Variants in KCNH1 observed in about 807,000 individuals in gnomAD.
KCNH1 encodes the protein potassium voltage-gated channel subfamily H member 1.
In KCNH1, 27 loss-of-function variants were observed where a neutral mutation model predicts 69.2. The ratio of observed to expected loss-of-function variants is 0.39; its 90% CI spans 0.29 to 0.54. The LOEUF (loss-of-function observed/expected upper bound fraction) is 0.54. Among genes scored for constraint, KCNH1 ranks in the 20% least tolerant of loss-of-function variants. KCNH1 has a pLI of 0.68. For synonymous variants in KCNH1, 456 were observed against 487.7 expected (o/e 0.93, Z 0.86); for missense variants, 798 against 1,261.6 (o/e 0.63, Z 5.57).
intron 10 of KCNH1, among the ~76,000 whole-genome samples, chr1:210,717,244 G>A (rs528871600): frequency 1.3e-5 from 2 of 152,270 alleles, no homozygotes; most frequent in South Asian, 4.1e-4. Context: ...CCCATTTCTG[G>A]CCTAGGGCTG....
intron 10 of KCNH1, among the ~76,000 whole-genome samples, chr1:210,700,562 A>G (rs1292732134): frequency 3.3e-5 from 5 of 152,306 alleles, no homozygotes; most frequent in South Asian, 2.1e-4. Flanking sequence ...ATCTCTCTGT[A>G]TGTATTTTAG....
At chr1:210,911,077 T>C (rs1244383261) in intron 7 of KCNH1, among the ~76,000 whole-genome samples, 1 of 152,218 alleles carries the variant, frequency 6.6e-6, no homozygotes, top group African/African-American at 2.4e-5. Flanking sequence ...ATTCATTCTA[T>C]ATTTATTGAG....
At chr1:210,986,574 T>C (rs530839433) in intron 6 of KCNH1, among the ~76,000 whole-genome samples, 16 of 152,046 alleles carry the variant, frequency 1.1e-4, no homozygotes, top group Non-Finnish European at 1.6e-4. Flanking sequence ...AAATTCTTGG[T>C]TGAAAATTCT....
intron 3 of KCNH1, among the ~76,000 whole-genome samples, chr1:211,103,064 A>C (rs137921840): frequency 1.5e-4 from 23 of 152,340 alleles, no homozygotes; most frequent in Middle Eastern, 3.4e-3. Context: ...ACTGGGGACA[A>C]ACTTTTATTT....
intron 5 of KCNH1, among the ~76,000 whole-genome samples, chr1:211,054,887 T>C (rs1296029214): frequency 6.6e-6 from 1 of 151,502 alleles, no homozygotes; most frequent in Non-Finnish European, 1.5e-5. Flanking sequence ...ATGGTGGAAA[T>C]GGAGGGGGAG....
chr1:210,865,375 T>G (rs893343041), intron 7 of KCNH1, among the ~76,000 whole-genome samples: 2 of 152,240 alleles, frequency 1.3e-5, no homozygotes, highest in Admixed American at 1.3e-4. Context: ...CAAGGTCATA[T>G]AGTTTTTAAG....
intron 7 of KCNH1, among the ~76,000 whole-genome samples, chr1:210,915,116 A>G (rs1687308893): frequency 6.6e-6 from 1 of 152,172 alleles, no homozygotes; most frequent in African/African-American, 2.4e-5. Context: ...CCCAGATAAA[A>G]GGACTCTTCC....
intron 7 of KCNH1, among the ~76,000 whole-genome samples, chr1:210,825,899 C>G (rs772463676): frequency 8.5e-5 from 13 of 152,116 alleles, no homozygotes; most frequent in Non-Finnish European, 1.6e-4. Context: ...TTTTGGAAGA[C>G]AAAAGTACAA....
At chr1:211,002,353 TACACACACAC>T (rs545388862) in intron 6 of KCNH1, among the ~76,000 whole-genome samples, 3 of 144,996 alleles carry the variant, frequency 2.1e-5, no homozygotes, top group African/African-American at 5.2e-5. Context: ...TATATATATA[TACACACACAC>T]ATATATATAT....
At chr1:210,867,315 TTATATG>T (rs972972019) in intron 7 of KCNH1, among the ~76,000 whole-genome samples, 2 of 143,700 alleles carry the variant, frequency 1.4e-5, no homozygotes, top group Non-Finnish European at 3.0e-5. Flanking sequence ...ACACATAGAA[TTATATG>T]TATATGTTTA....
chr1:211,024,400 A>G (rs528888883), intron 5 of KCNH1, among the ~76,000 whole-genome samples: 1 of 152,280 alleles, frequency 6.6e-6, no homozygotes, highest in African/African-American at 2.4e-5. Context: ...CTAGGGTGAA[A>G]TAAGTTTGAT....
chr1:210,816,000 G>T (rs1684806556), intron 7 of KCNH1, among the ~76,000 whole-genome samples: 1 of 152,126 alleles, frequency 6.6e-6, no homozygotes, highest in South Asian at 2.1e-4. Context: ...GCCAGCTTTG[G>T]AAATAAGTCA....
chr1:211,115,728 T>TATATATATATATATATATATAC lies in KCNH1; in HGVS notation c.80-8352_80-8351insGTATATATATATATATATATAT, dbSNP rs1558611409. Among the ~76,000 whole-genome samples, 2 of 88,078 alleles carry TATATATATATATATATATATAC rather than the reference T, an allele frequency of 2.3e-5. 1 individual carries two copies. The highest frequency in any genetic ancestry group is 4.1e-5 in the Non-Finnish European group (2 of 48,710). The allele number at this position is 88,078 out of a possible 152,430, so 57.8% of individuals were successfully genotyped here. On this transcript the variant is annotated intron_variant, in intron 1 of 10. Coordinates refer to ENST00000271751, the MANE Select transcript of KCNH1 (RefSeq NM_172362.3). ...ATATATATATATATGTATATATATA[T>TATATATATATATATATATATAC]ATACACACACACACACACATACACA...
intron 6 of KCNH1, among the ~76,000 whole-genome samples, chr1:210,952,438 A>G (rs770268597): frequency 6.6e-6 from 1 of 152,212 alleles, no homozygotes; most frequent in Non-Finnish European, 1.5e-5. Context: ...TCTAAGCACA[A>G]ACATCAAGCC....
Position 210,730,367 on chromosome 1 carries a change from C to G in KCNH1, c.2112+44981G>C, listed in dbSNP as rs150426445. 2.2e-4 allele frequency among the ~76,000 whole-genome samples: 34 copies of G among 152,240 alleles called. No homozygotes were observed. The East Asian group carries it at 6.2e-3, about 28-fold the overall frequency. ...TCCTGGGTGTCAAAACATGGCTTAT[C>G]TATGTCAGAAAGAGCTCTTGACAGG... On this transcript the variant is annotated intron_variant, in intron 10 of 10. Transcript: ENST00000271751.
chr1:211,113,284 C>T (rs368256216), intron 1 of KCNH1, among the ~76,000 whole-genome samples: 1 of 152,192 alleles, frequency 6.6e-6, no homozygotes, highest in East Asian at 1.9e-4. Context: ...CATTATATTA[C>T]ATGGTCTGCT....
chr1:210,768,191 T>G (rs746065824), intron 10 of KCNH1, among the ~76,000 whole-genome samples: 8 of 152,118 alleles, frequency 5.3e-5, no homozygotes, highest in Non-Finnish European at 7.3e-5. Context: ...GATTTTATTG[T>G]CATCATCCTT....
intron 7 of KCNH1, among the ~76,000 whole-genome samples, chr1:210,907,165 T>C (rs1331736849): frequency 2.0e-5 from 3 of 152,168 alleles, no homozygotes; most frequent in Non-Finnish European, 2.9e-5. Flanking sequence ...AACTTACTTA[T>C]ATGAGAGGTC....
intron 10 of KCNH1, among the ~76,000 whole-genome samples, chr1:210,726,279 AT>A (rs1271282666): frequency 6.6e-6 from 1 of 152,164 alleles, no homozygotes; most frequent in African/African-American, 2.4e-5. Flanking sequence ...CTGATGTGCA[AT>A]AACACCATAA....
Sources: gnomAD v4.1 joint callset for allele counts (sites outside exome capture counted in the v4.1 genomes callset) on GRCh38, gnomAD v4.1.1 for gene constraint, MANE v1.5 for transcripts, NCBI Gene and HGNC (gene_info 2026-07-23, HGNC 2026-07-21) for gene names.